Variants in ANKRD17 observed in about 807,000 individuals in gnomAD.
ANKRD17 encodes ankyrin repeat domain-containing protein 17.
Under a neutral mutation model 229.7 loss-of-function variants are expected in ANKRD17, and 19 were observed. The ratio of observed to expected loss-of-function variants is 0.08; its 90% CI spans 0.06 to 0.12. ANKRD17 has a LOEUF of 0.12. Ranked by LOEUF, ANKRD17 falls within the 10% of genes least tolerant of loss-of-function variation. The pLI is 1.00. For missense variants in ANKRD17, 2,176 were observed against 3,176.8 expected (o/e 0.68, Z 7.57); for synonymous variants, 1,112 against 1,146.1 (o/e 0.97, Z 0.60).
At chr4:73,164,336 G>A (rs1412877325) in intron 2 of ANKRD17, among the ~76,000 whole-genome samples, 3 of 152,120 alleles carry the variant, frequency 2.0e-5, no homozygotes, top group East Asian at 3.8e-4. Context: ...ATCTTCATAA[G>A]TAAAGATAAC....
intron 1 of ANKRD17, among the ~76,000 whole-genome samples, chr4:73,197,790 T>C (rs959214999): frequency 1.8e-4 from 28 of 152,076 alleles, no homozygotes; most frequent in African/African-American, 6.0e-4. Flanking sequence ...GCACTCGAGG[T>C]TGGGCAACAG....
At position 73,097,217 on chromosome 4, in the gene ANKRD17, A is replaced by G; in HGVS notation, c.5077T>C (p.Ser1693Pro). Residue 1693 changes from serine (S) to proline (P), a missense_variant, in exon 27 of 34, where the codon TCT (serine) becomes CCT (proline). Transcript: ENST00000358602. ...GGAGAAGAAAGGGGAGATGGACCAG[A>G]TTTTGTACAAGTAGATAGAGAATTA... ...TSNSLSTCTK[S>P]GPSPLSSPNG... 6.2e-7 allele frequency: 1 copy of G among 1,610,416 alleles called. No individual in the cohort carries two copies.
intron 1 of ANKRD17, among the ~76,000 whole-genome samples, chr4:73,249,994 TCATCATTTTCATGG>T (rs1313514539): frequency 6.6e-6 from 1 of 152,262 alleles, no homozygotes; most frequent in Non-Finnish European, 1.5e-5. Flanking sequence ...CTCGTTTTAG[TCATCATTTTCATGG>T]TACAGCAGCC....
intron 15 of ANKRD17, 95 bp downstream of exon 15, chr4:73,139,436 G>A (rs1729336088): frequency 7.0e-7 from 1 of 1,423,834 alleles, no homozygotes; most frequent in Non-Finnish European, 9.5e-7. Flanking sequence ...TCCAAAAATA[G>A]TTCTCAAGTT....
chr4:73,077,246 C>G, intron 32 of ANKRD17, 109 bp downstream of exon 32: 3 of 1,304,706 alleles, frequency 2.3e-6, no homozygotes, highest in Non-Finnish European at 2.0e-6. Flanking sequence ...AAAATTATTA[C>G]CCATTATATA....
At chr4:73,169,982 C>G (rs1733765792) in intron 2 of ANKRD17, among the ~76,000 whole-genome samples, 1 of 152,150 alleles carries the variant, frequency 6.6e-6, no homozygotes, top group East Asian at 1.9e-4. Flanking sequence ...CTAAGTGAAG[C>G]TGAGGGGCAG....
intron 1 of ANKRD17, among the ~76,000 whole-genome samples, chr4:73,232,352 G>A (rs536571160): frequency 6.6e-5 from 10 of 152,078 alleles, no homozygotes; most frequent in Non-Finnish European, 1.3e-4. Context: ...TTAGTCCATC[G>A]GATAAAATGT....
chr4:73,228,449 T>C (rs1305223006), intron 1 of ANKRD17, among the ~76,000 whole-genome samples: 1 of 152,194 alleles, frequency 6.6e-6, no homozygotes, highest in Non-Finnish European at 1.5e-5. Flanking sequence ...GATTTTTATG[T>C]AAAAGTAATA....
intron 2 of ANKRD17, among the ~76,000 whole-genome samples, chr4:73,167,812 G>C (rs147518128): frequency 6.6e-6 from 1 of 152,108 alleles, no homozygotes; most frequent in East Asian, 1.9e-4. Flanking sequence ...ATCCATTCTA[G>C]AATTTTACCT....
intron 1 of ANKRD17, 127 bp downstream of exon 1, chr4:73,258,149 C>A: frequency 2.0e-6 from 3 of 1,488,682 alleles, no homozygotes; most frequent in Non-Finnish European, 2.7e-6. Flanking sequence ...AGAAAGGGGG[C>A]AGTCGAAAGC....
chr4:73,207,770 C>A (rs1027781343), intron 1 of ANKRD17, among the ~76,000 whole-genome samples: 3 of 152,178 alleles, frequency 2.0e-5, no homozygotes, highest in Non-Finnish European at 4.4e-5. Flanking sequence ...CTCCAAAATA[C>A]ATGAAGCAAA....
Position 73,090,764 on chromosome 4 carries a change from G to C in ANKRD17, c.6864C>G (p.Ser2288=). The C allele has an allele frequency of 6.2e-7, 1 of 1,614,134 alleles. No individual in the cohort carries two copies. The highest frequency in any genetic ancestry group is 8.5e-7 in the Non-Finnish European group (1 of 1,180,030). Reference sequence around the variant, plus strand: ...AAGGATCTGAATTTGGCAAATATGAGGATTTTCCTGATAGCATAGATTCTG... The same window carrying C: ...AAGGATCTGAATTTGGCAAATATGACGATTTTCCTGATAGCATAGATTCTG... ...STPESMLSGK[S]SYLPNSDPLH... is the part of the protein sequence containing the mutation. The change falls in exon 29 of 34, where the codon TCC becomes TCG. Residue 2288 remains serine (S), a synonymous_variant. Coordinates refer to ENST00000358602, the MANE Select transcript of ANKRD17 (RefSeq NM_032217.5).
In ANKRD17 at chr4:73,094,068, CA is replaced by C. The variant is rs1419821641; in HGVS notation, c.5327+10del. ...AAATAAAGGAAGAAAATGTAAGAGA[CA>C]AAGTTTTGCCTTATAGTGATTATCC... On this transcript the variant is annotated intron_variant, in intron 28 of 33. Coordinates refer to ENST00000358602, the MANE Select transcript of ANKRD17 (RefSeq NM_032217.5). The C allele has an allele frequency of 1.2e-6, 2 of 1,611,672 alleles. No homozygotes were observed. Among genetic ancestry groups the C allele is most frequent in the East Asian group, 2.2e-5 (1 of 44,738 alleles).
In ANKRD17 at chr4:73,166,061, G is replaced by A. The variant is rs117246399; in HGVS notation, c.548-4713C>T. Among the ~76,000 whole-genome samples the A allele has an allele frequency of 2.2e-3, 337 of 152,266 alleles. 14 individuals carry two copies. In the East Asian group the frequency reaches 0.039, roughly 18 times the overall value. The stretch of plus-strand genomic sequence containing the variant: ...GAAATTTAAGAGATAATAAGTGGGC[G>A]TTGTTTCACACCACTATATTTATAG... On this transcript the variant is annotated intron_variant, in intron 2 of 33. Transcript: ENST00000358602.
intron 1 of ANKRD17, among the ~76,000 whole-genome samples, chr4:73,190,796 C>G (rs1037187184): frequency 2.0e-5 from 3 of 151,450 alleles, no homozygotes; most frequent in Admixed American, 2.0e-4. Flanking sequence ...AAATGTAATT[C>G]ACAACAACAA....
At chr4:73,120,524 T>C (rs1726578752) in intron 20 of ANKRD17, among the ~76,000 whole-genome samples, 187 bp from the exon 21 acceptor site, 1 of 134,544 alleles carries the variant, frequency 7.4e-6, no homozygotes, top group African/African-American at 2.7e-5. Context: ...TAATTCTACC[T>C]AATCTCAACG....
chr4:73,215,175 A>G (rs1740846012), intron 1 of ANKRD17, among the ~76,000 whole-genome samples: 1 of 152,338 alleles, frequency 6.6e-6, no homozygotes, highest in East Asian at 1.9e-4. Flanking sequence ...CTTCCAAGCA[A>G]AATTAGAATT....
chr4:73,215,195 T>C (rs1315045153), intron 1 of ANKRD17, among the ~76,000 whole-genome samples: 2 of 152,312 alleles, frequency 1.3e-5, no homozygotes, highest in East Asian at 3.9e-4. Context: ...TTTGGAGATC[T>C]TATATCTGAC....
intron 27 of ANKRD17, among the ~76,000 whole-genome samples, chr4:73,095,270 A>T (rs905587620): frequency 2.0e-5 from 3 of 152,098 alleles, no homozygotes; most frequent in African/African-American, 7.2e-5. Flanking sequence ...AATCTTTAAT[A>T]ATGTCCGGAA....
Sources: allele counts gnomAD v4.1 joint callset (sites outside exome capture counted in the v4.1 genomes callset), GRCh38; gene constraint gnomAD v4.1.1; transcripts MANE v1.5; gene names NCBI Gene and HGNC (gene_info 2026-07-23, HGNC 2026-07-21).